Variants in CYFIP1 observed in about 807,000 individuals in gnomAD.
The protein encoded by CYFIP1 is cytoplasmic FMR1-interacting protein 1.
A neutral mutation model predicts 163.5 loss-of-function variants in CYFIP1; 58 were observed. The ratio of observed to expected loss-of-function variants is 0.35; its 90% CI spans 0.29 to 0.44. CYFIP1 has a LOEUF of 0.44. Among genes scored for constraint, CYFIP1 ranks in the 20% least tolerant of loss-of-function variants. CYFIP1 has a pLI of 1.00. For missense variants in CYFIP1, 1,338 were observed against 1,653.8 expected (o/e 0.81, Z 3.31); for synonymous variants, 663 against 660.7 (o/e 1.00, Z -0.05).
At chr15:22,904,212 C>G (rs972039396) in intron 21 of CYFIP1, 3 of 451,806 alleles carry the variant, frequency 6.6e-6, no homozygotes, top group Admixed American at 7.0e-5. Context: ...CCCATGTGCC[C>G]GCTGAGCCCC....
chr15:22,951,513 G>GC, intron 1 of CYFIP1: 1 of 1,288,234 alleles, frequency 7.8e-7, no homozygotes, highest in Non-Finnish European at 1.0e-6. Context: ...ACGTGCTTCG[G>GC]CCCCATAGGG....
At chr15:22,968,355 G>A (rs888854870) in intron 1 of CYFIP1, among the ~76,000 whole-genome samples, 1 of 152,098 alleles carries the variant, frequency 6.6e-6, no homozygotes, top group Non-Finnish European at 1.5e-5. Flanking sequence ...TCCATAATTT[G>A]GGTGGGCCTC....
chr15:22,949,190 G>GAGCACAGAGC (rs1437278745), intron 1 of CYFIP1, among the ~76,000 whole-genome samples: 1 of 152,232 alleles, frequency 6.6e-6, no homozygotes, highest in Non-Finnish European at 1.5e-5. Context: ...ACGCTCAGCA[G>GAGCACAGAGC]AGCACAGAGC....
chr15:22,926,126 C>T lies in CYFIP1; in HGVS notation c.1234-19G>A, dbSNP rs1169039638. The T allele has an allele frequency of 6.2e-7, 1 of 1,613,850 alleles. No homozygotes were observed. The highest frequency in any genetic ancestry group is 8.5e-7 in the Non-Finnish European group (1 of 1,179,958). On this transcript the variant is annotated intron_variant, in intron 12 of 30. Coordinates refer to ENST00000617928, the MANE Select transcript of CYFIP1 (RefSeq NM_014608.6). ...AGGAATACTGTGGTGGCCGAAAGAG[C>T]AGAGGTGTTCCATATTGCATGCAAA...
chr15:22,893,372 C>G (rs750032174), intron 22 of CYFIP1, among the ~76,000 whole-genome samples: 1 of 152,174 alleles, frequency 6.6e-6, no homozygotes, highest in Non-Finnish European at 1.5e-5. Context: ...CAGGGAAGGA[C>G]AGGGACACTT....
chr15:22,903,651 G>A, intron 22 of CYFIP1, 55 bp downstream of exon 22: 2 of 1,581,306 alleles, frequency 1.3e-6, no homozygotes, highest in Admixed American at 1.7e-5. Flanking sequence ...AGCCTGCGGG[G>A]ACATGGGTCC....
At chr15:22,879,837 G>A in intron 26 of CYFIP1, 76 bp downstream of exon 26, 1 of 1,152,782 alleles carries the variant, frequency 8.7e-7, no homozygotes, top group Non-Finnish European at 1.2e-6. Context: ...ACCCGCCAAA[G>A]AAAGCCCTCC....
chr15:22,920,638 G>A (rs188453361), intron 13 of CYFIP1, among the ~76,000 whole-genome samples: 84 of 152,252 alleles, frequency 5.5e-4, no homozygotes, highest in African/African-American at 1.8e-3. Flanking sequence ...CAAATAGACT[G>A]CTTTCATGTA....
At chr15:22,870,556 CCT>C (rs1327487052) in intron 30 of CYFIP1, among the ~76,000 whole-genome samples, 1 of 152,024 alleles carries the variant, frequency 6.6e-6, no homozygotes, top group African/African-American at 2.4e-5. Context: ...AAGCAATCCT[CCT>C]CTGCCTCAGC....
At position 22,868,398 on chromosome 15, in the gene CYFIP1, G is replaced by GAGAT. The variant is rs1375560320; in HGVS notation, c.*1626_*1629dup. The GAGAT allele has an allele frequency of 4.8e-4, 73 of 152,234 alleles. No individual in the cohort carries two copies. The highest frequency in any genetic ancestry group is 1.7e-3 in the African/African-American group (71 of 41,540). 9.4% of individuals were successfully genotyped at this position (152,234 alleles called of 1,614,324 possible). A position where few individuals can be genotyped will look rare whatever the true frequency, so the allele number is the denominator to read the frequency against. On this transcript the variant is annotated 3_prime_UTR_variant, in exon 31 of 31. Coordinates refer to ENST00000617928, the MANE Select transcript of CYFIP1 (RefSeq NM_014608.6). ...TCTTATTTAACATTTTGTAGCACTTGAGATTGTCTTATACCTAAGGTATTA... is the reference window on the plus strand; with the variant it reads ...TCTTATTTAACATTTTGTAGCACTTGAGATAGATTGTCTTATACCTAAGGTATTA...
Position 22,870,079 on chromosome 15 carries a change from C to T in CYFIP1, c.3711G>A (p.Glu1237=). Residue 1237 remains glutamate (E), a synonymous_variant, in exon 31 of 31, where the codon GAG becomes GAA. Transcript: ENST00000617928. Reference sequence around the variant, plus strand: ...TGGGCGGCTGGAAGCAGCGCACATGCTCCACTGGCGTGCCCTCCCCGTCGC... The same window carrying T: ...TGGGCGGCTGGAAGCAGCGCACATGTTCCACTGGCGTGCCCTCCCCGTCGC... The part of the protein sequence containing the change: ...KSGDGEGTPV[E]HVRCFQPPIH... 3 of 1,612,296 alleles carry T rather than the reference C, an allele frequency of 1.9e-6. No individual in the cohort carries two copies. The highest frequency in any genetic ancestry group is 2.5e-6 in the Non-Finnish European group (3 of 1,179,378).
intron 5 of CYFIP1, among the ~76,000 whole-genome samples, chr15:22,943,924 C>A (rs995382144): frequency 2.6e-5 from 4 of 152,066 alleles, no homozygotes; most frequent in Non-Finnish European, 5.9e-5. Flanking sequence ...AAGAAAATAC[C>A]TGAAAGAGCA....
rs570696072 is a variant in CYFIP1 at position 22,929,501 on chromosome 15, G to A, written c.1111-1473C>T. Among the ~76,000 whole-genome samples the A allele has an allele frequency of 2.3e-4, 35 of 151,694 alleles. No individual in the cohort carries two copies. The East Asian group carries it at 4.3e-3, about 19-fold the overall frequency. ...ACAAAAATTAGCTAAGCATGGTGGC[G>A]TGCGCCTGTAGTCCCAGCTACTTGG... On this transcript the variant is annotated intron_variant, in intron 11 of 30. Transcript: ENST00000617928.
chr15:22,887,764 G>A (rs548105407), intron 23 of CYFIP1, among the ~76,000 whole-genome samples: 2 of 152,254 alleles, frequency 1.3e-5, no homozygotes, highest in African/African-American at 2.4e-5. Flanking sequence ...TCTGGGGAAG[G>A]GCACCGTCAC....
In CYFIP1 at chr15:22,883,024, G is replaced by A; in HGVS notation, c.2677-13C>T. The A allele has an allele frequency of 6.2e-7, 1 of 1,612,584 alleles. No homozygotes were observed. The highest frequency in any genetic ancestry group is 1.1e-5 in the South Asian group (1 of 90,972). On this transcript the variant is annotated splice_polypyrimidine_tract_variant and intron_variant, in intron 23 of 30. Coordinates refer to ENST00000617928, the MANE Select transcript of CYFIP1 (RefSeq NM_014608.6). Reference sequence around the variant, plus strand: ...CCAAGTTCAAAGCCTGGAAAACAGGGCACAGAGCTCTCAGCATGGTCCCCG... The same window carrying A: ...CCAAGTTCAAAGCCTGGAAAACAGGACACAGAGCTCTCAGCATGGTCCCCG...
chr15:22,911,975 C>T (rs1221237206), intron 18 of CYFIP1, among the ~76,000 whole-genome samples: 1 of 152,188 alleles, frequency 6.6e-6, no homozygotes, highest in Non-Finnish European at 1.5e-5. Flanking sequence ...ACAGACACCG[C>T]AGTGACACAC....
chr15:22,899,169 T>G (rs1044007865), intron 22 of CYFIP1, among the ~76,000 whole-genome samples: 1 of 152,018 alleles, frequency 6.6e-6, no homozygotes, highest in South Asian at 2.1e-4. Flanking sequence ...ACTTTCTGTG[T>G]TTTTTTGGAA....
intron 30 of CYFIP1, 169 bp downstream of exon 30, chr15:22,872,653 GCTT>G: frequency 1.6e-6 from 1 of 628,334 alleles, no homozygotes; most frequent in Middle Eastern, 4.4e-4. Context: ...CTGCCAGACT[GCTT>G]TACTGGCCAA....
intron 26 of CYFIP1, among the ~76,000 whole-genome samples, chr15:22,878,173 C>T (rs188920515): frequency 1.3e-5 from 2 of 152,334 alleles, no homozygotes; most frequent in Non-Finnish European, 2.9e-5. Flanking sequence ...CAATACGCTT[C>T]GCCAGGGTAT....
Sources: allele counts gnomAD v4.1 joint callset (sites outside exome capture counted in the v4.1 genomes callset), GRCh38; gene constraint gnomAD v4.1.1; transcripts MANE v1.5; gene names NCBI Gene and HGNC (gene_info 2026-07-23, HGNC 2026-07-21).